TACR3: variants seen among roughly 807,000 people sequenced by gnomAD.
The protein encoded by TACR3 is neuromedin-K receptor.
TACR3 carries 34 observed loss-of-function variants against 35.0 expected under a neutral mutation model. The ratio of observed to expected loss-of-function variants is 0.97; its 90% CI spans 0.74 to 1.30. The LOEUF (loss-of-function observed/expected upper bound fraction) is 1.30. Ranked by LOEUF, TACR3 falls within the 50% of genes most tolerant of loss-of-function variation. The probability of loss-of-function intolerance (pLI) is 0.00; values close to 1 mark genes in which losing one functional copy is unlikely to be tolerated. For synonymous variants in TACR3, 233 were observed against 221.1 expected, an observed-to-expected ratio of 1.05 and a Z score of -0.48; for missense variants, 558 against 591.7, an observed-to-expected ratio of 0.94 and a Z score of 0.59.
Position 103,587,754 on chromosome 4 carries a change from T to C in TACR3, c.*1928A>G, listed in dbSNP as rs748865183. 4 of 152,096 alleles carry C rather than the reference T, an allele frequency of 2.6e-5. No individual in the cohort carries two copies. The highest frequency in any genetic ancestry group is 4.4e-5 in the Non-Finnish European group (3 of 67,976). 9.4% of individuals were successfully genotyped at this position (152,096 alleles called of 1,614,324 possible). On this transcript the variant is annotated 3_prime_UTR_variant, in exon 5 of 5. Transcript: ENST00000304883. ...TAGGCTTTTTCTTGACACTTTAACA[T>C]TGTATGATAAATATATGTTTTAAGA...
chr4:103,630,835 T>C (rs986386178), intron 3 of TACR3, among the ~76,000 whole-genome samples: 11 of 152,286 alleles, frequency 7.2e-5, no homozygotes, highest in African/African-American at 2.4e-4. Flanking sequence ...ACTGGGTATA[T>C]ACCCAAAGGA....
chr4:103,693,030 T>C (rs1560533988), intron 1 of TACR3, among the ~76,000 whole-genome samples: 1 of 152,282 alleles, frequency 6.6e-6, no homozygotes, highest in Non-Finnish European at 1.5e-5. Context: ...CATAAGAAAA[T>C]ACAAATTCTC....
intron 3 of TACR3, among the ~76,000 whole-genome samples, chr4:103,600,048 A>AAT (rs970264711): frequency 2.0e-5 from 3 of 152,076 alleles, no homozygotes; most frequent in Admixed American, 6.6e-5. Context: ...TCCTCTTTGT[A>AAT]ACTCTGGTAG....
intron 1 of TACR3, among the ~76,000 whole-genome samples, chr4:103,672,803 T>C (rs181613362): frequency 6.6e-6 from 1 of 152,344 alleles, no homozygotes; most frequent in Admixed American, 6.5e-5. Context: ...ATGAAAGTCC[T>C]AGATGGAATC....
chr4:103,655,677 T>C (rs1238291881), intron 3 of TACR3, among the ~76,000 whole-genome samples: 1 of 151,866 alleles, frequency 6.6e-6, no homozygotes, highest in Non-Finnish European at 1.5e-5. Flanking sequence ...CATACATACA[T>C]ATAAAATGTC....
intron 1 of TACR3, among the ~76,000 whole-genome samples, chr4:103,700,308 G>A (rs753165543): frequency 5.3e-5 from 8 of 151,998 alleles, no homozygotes; most frequent in African/African-American, 1.2e-4. Context: ...GAACACAACT[G>A]GGCCCACTGT....
At chr4:103,660,756 A>G (rs952377114) in intron 1 of TACR3, among the ~76,000 whole-genome samples, 9 of 152,120 alleles carry the variant, frequency 5.9e-5, no homozygotes, top group African/African-American at 1.7e-4. Flanking sequence ...AGTTTAGGAA[A>G]ACAGTGTGAA....
chr4:103,645,621 A>C (rs1725440353), intron 3 of TACR3, among the ~76,000 whole-genome samples: 1 of 152,050 alleles, frequency 6.6e-6, no homozygotes. Context: ...CAAATTCTTA[A>C]TTAAAAGAAA....
In TACR3 at chr4:103,658,329, C is replaced by T. The variant is rs727505375; in HGVS notation, c.623G>A (p.Trp208Ter). The part of the protein sequence containing the change: ...TATKIVIGSI[W>*]ILAFLLAFPQ... ...GAAGGCAAGTAGAAATGCTAGAATC[C>T]AAATACTTCCAATGACAATCTTGGT... The change falls in exon 2 of 5, where the codon TGG (tryptophan) becomes TAG (stop). Residue 208 changes from tryptophan (W) to a stop codon, truncating the protein, a stop_gained. Transcript: ENST00000304883. LOFTEE classifies it high-confidence loss of function. The T allele has an allele frequency of 6.2e-6, 10 of 1,613,790 alleles. No homozygotes were observed. The highest frequency in any genetic ancestry group is 8.5e-6 in the Non-Finnish European group (10 of 1,179,958).
chr4:103,704,795 C>A (rs539260004), intron 1 of TACR3, among the ~76,000 whole-genome samples: 1 of 152,082 alleles, frequency 6.6e-6, no homozygotes, highest in Admixed American at 6.6e-5. Flanking sequence ...ATCCTCTCCC[C>A]GACTATCCTC....
intron 1 of TACR3, among the ~76,000 whole-genome samples, chr4:103,684,715 T>C (rs550344982): frequency 1.3e-4 from 19 of 151,998 alleles, no homozygotes; most frequent in Non-Finnish European, 2.6e-4. Context: ...AAAATATCTA[T>C]TAAGGCTGGA....
intron 1 of TACR3, among the ~76,000 whole-genome samples, chr4:103,680,368 C>T (rs1726264339): frequency 6.6e-6 from 1 of 151,020 alleles, no homozygotes; most frequent in South Asian, 2.1e-4. Flanking sequence ...GAAAAAAAAT[C>T]TGAGCAGACC....
intron 3 of TACR3, chr4:103,593,195 G>A (rs1239105160): frequency 6.6e-6 from 1 of 151,864 alleles, no homozygotes; most frequent in Non-Finnish European, 1.5e-5. Flanking sequence ...TCTTTCAATT[G>A]CGCATTAGGA....
chr4:103,684,739 GC>G (rs2110212281), intron 1 of TACR3, among the ~76,000 whole-genome samples: 1 of 152,080 alleles, frequency 6.6e-6, no homozygotes, highest in African/African-American at 2.4e-5. Flanking sequence ...GGTGGCTCAT[GC>G]ATCTGTAATC....
chr4:103,650,811 A>ATT, intron 3 of TACR3, among the ~76,000 whole-genome samples: 1 of 3,958 alleles, frequency 2.5e-4, no homozygotes, highest in Non-Finnish European at 3.0e-4. Context: ...TATATATAAT[A>ATT]ATATATTATA....
intron 3 of TACR3, among the ~76,000 whole-genome samples, chr4:103,607,627 T>C (rs1052245073): frequency 1.3e-5 from 2 of 152,150 alleles, no homozygotes; most frequent in Non-Finnish European, 2.9e-5. Flanking sequence ...GTGTACTTAA[T>C]CTATTGTATA....
intron 3 of TACR3, among the ~76,000 whole-genome samples, chr4:103,636,894 C>G (rs1452696968): frequency 1.3e-5 from 2 of 151,998 alleles, no homozygotes; most frequent in Non-Finnish European, 1.5e-5. Flanking sequence ...CCAGGAAGAA[C>G]TTGAATCTCT....
chr4:103,713,890 T>C (rs1396794557), intron 1 of TACR3, among the ~76,000 whole-genome samples: 1 of 152,090 alleles, frequency 6.6e-6, no homozygotes, highest in Non-Finnish European at 1.5e-5. Context: ...AGGTGAGACT[T>C]CTAGGCAGTA....
At chr4:103,600,789 C>G (rs1724179356) in intron 3 of TACR3, among the ~76,000 whole-genome samples, 1 of 152,100 alleles carries the variant, frequency 6.6e-6, no homozygotes, top group Non-Finnish European at 1.5e-5. Flanking sequence ...TTTCTTAATC[C>G]TGAGTTCTAG....
Sources: allele counts gnomAD v4.1 joint callset (sites outside exome capture counted in the v4.1 genomes callset), GRCh38; gene constraint gnomAD v4.1.1; transcripts MANE v1.5; gene names NCBI Gene and HGNC (gene_info 2026-07-23, HGNC 2026-07-21).